COA1: variants seen among roughly 807,000 people sequenced by gnomAD.
The protein encoded by COA1 is cytochrome c oxidase assembly factor 1 homolog.
A neutral mutation model predicts 16.0 loss-of-function variants in COA1; 13 were observed. The ratio of observed to expected loss-of-function variants is 0.81; its 90% confidence interval spans 0.53 to 1.29. The LOEUF is 1.29. Ranked by LOEUF, COA1 falls within the 50% of genes most tolerant of loss-of-function variation. COA1 has a pLI of 0.00. For missense variants in COA1, 179 were observed against 177.0 expected, an observed-to-expected ratio of 1.01 and a Z score of -0.06; for synonymous variants, 65 against 65.7, an observed-to-expected ratio of 0.99 and a Z score of 0.05.
chr7:43,668,127 TA>T (rs894258585), intron 1 of COA1, among the ~76,000 whole-genome samples: 1 of 152,174 alleles, frequency 6.6e-6, no homozygotes, highest in Non-Finnish European at 1.5e-5. Context: ...GCAGAGCCAA[TA>T]AAAGCCCCTT....
At chr7:43,724,570 A>G (rs182617152) in intron 1 of COA1, among the ~76,000 whole-genome samples, 88 of 152,176 alleles carry the variant, frequency 5.8e-4, no homozygotes, top group African/African-American at 2.0e-3. Flanking sequence ...AAAAAAAAGA[A>G]TTGAAAGCAG....
chr7:43,707,619 A>G (rs2095044143), intron 1 of COA1, among the ~76,000 whole-genome samples: 1 of 152,180 alleles, frequency 6.6e-6, no homozygotes, highest in African/African-American at 2.4e-5. Context: ...GTGGAATCAT[A>G]TACAGTAGTA....
intron 1 of COA1, among the ~76,000 whole-genome samples, chr7:43,720,699 A>C (rs917536147): frequency 6.6e-6 from 1 of 152,220 alleles, no homozygotes; most frequent in African/African-American, 2.4e-5. Context: ...AGAGGTCTTA[A>C]AGTGACCCTG....
intron 6 of COA1, among the ~76,000 whole-genome samples, chr7:43,614,140 T>C (rs1049013506): frequency 2.0e-5 from 3 of 152,220 alleles, no homozygotes; most frequent in Non-Finnish European, 2.9e-5. Flanking sequence ...TAACCTCAAC[T>C]TTACAATGAT....
intron 6 of COA1, among the ~76,000 whole-genome samples, chr7:43,615,960 C>A (rs144511817): frequency 6.6e-6 from 1 of 152,172 alleles, no homozygotes; most frequent in Non-Finnish European, 1.5e-5. Context: ...CAACCACTCT[C>A]GCCCATCACC....
intron 1 of COA1, among the ~76,000 whole-genome samples, chr7:43,700,555 C>T (rs753664744): frequency 7.6e-5 from 11 of 145,394 alleles, no homozygotes; most frequent in Non-Finnish European, 1.7e-4. Context: ...TATACATACA[C>T]GTATATATAT....
At chr7:43,707,195 G>A (rs1287193778) in intron 1 of COA1, among the ~76,000 whole-genome samples, 1 of 152,108 alleles carries the variant, frequency 6.6e-6, no homozygotes, top group African/African-American at 2.4e-5. Context: ...AGCCTTGCTG[G>A]CTAAAACTGT....
At chr7:43,720,668 G>A (rs1490927581) in intron 1 of COA1, among the ~76,000 whole-genome samples, 1 of 152,132 alleles carries the variant, frequency 6.6e-6, no homozygotes, top group East Asian at 1.9e-4. Context: ...ATATTTAGGA[G>A]GTAGAATTTA....
chr7:43,681,344 A>T (rs17710420), intron 1 of COA1, among the ~76,000 whole-genome samples: 19,480 of 152,048 alleles, frequency 0.13, 1,655 homozygotes, highest in Non-Finnish European at 0.19. Flanking sequence ...TTTTGTTATA[A>T]CTTTGTTTTG....
chr7:43,700,621 A>T (rs940443622), intron 1 of COA1, among the ~76,000 whole-genome samples: 4 of 65,804 alleles, frequency 6.1e-5, no homozygotes, highest in Non-Finnish European at 9.7e-5. Flanking sequence ...TGTGTGTGTT[A>T]GAGTAAGGTA....
intron 1 of COA1, among the ~76,000 whole-genome samples, chr7:43,710,358 AAAAAAAAAAAAAAAAAAATAT>A (rs2095180794): frequency 9.3e-6 from 1 of 107,816 alleles, no homozygotes; most frequent in Admixed American, 9.3e-5. Context: ...CAAAAAAAAA[AAAAAAAAAAAAAAAAAAATAT>A]ATATATATAT....
chr7:43,665,917 A>G (rs2092851422), intron 1 of COA1, among the ~76,000 whole-genome samples: 1 of 152,212 alleles, frequency 6.6e-6, no homozygotes, highest in Non-Finnish European at 1.5e-5. Context: ...ACACAGAGCC[A>G]AATCGTATCA....
chr7:43,648,643 G>GC lies in COA1; in HGVS notation c.-30dup. On this transcript the variant is annotated 5_prime_UTR_variant, in exon 2 of 6. Transcript: ENST00000223336. ...ACAACTCTCTTGAAAATCATCAAAG[G>GC]CAAGTTGTCCTGCAATTAGAAAAGA... is the stretch of plus-strand genomic sequence containing the variant. 6.2e-7 allele frequency: 1 copy of GC among 1,611,304 alleles called. No individual in the cohort carries two copies. Among genetic ancestry groups the GC allele is most frequent in the Non-Finnish European group, 8.5e-7 (1 of 1,178,380 alleles).
At chr7:43,691,269 G>GAAAAGA (rs144312327) in intron 1 of COA1, among the ~76,000 whole-genome samples, 94 of 29,614 alleles carry the variant, frequency 3.2e-3, no homozygotes, top group African/African-American at 0.01. Context: ...AGAAAGAAAA[G>GAAAAGA]AAAGAAAGAA....
intron 4 of COA1, among the ~76,000 whole-genome samples, chr7:43,642,466 A>G (rs1341226584): frequency 1.3e-5 from 2 of 152,186 alleles, no homozygotes; most frequent in African/African-American, 4.8e-5. Context: ...AAATTTTAAA[A>G]AAGAACAAAT....
At chr7:43,702,582 T>C (rs1475473504) in intron 1 of COA1, among the ~76,000 whole-genome samples, 1 of 152,192 alleles carries the variant, frequency 6.6e-6, no homozygotes, top group Non-Finnish European at 1.5e-5. Flanking sequence ...ATTTTTGGGT[T>C]CAATCTTGGG....
intron 1 of COA1, among the ~76,000 whole-genome samples, chr7:43,697,330 G>C (rs576067234): frequency 2.8e-4 from 42 of 151,884 alleles, no homozygotes; most frequent in African/African-American, 1.0e-3. Context: ...CTCACTGTGT[G>C]GCCCAGGCTG....
rs1027716935 is a variant in COA1, at chr7:43,656,780, C to T, written c.-38-8128G>A. ...ACATAACATAGCAAATATCATTATA[C>T]CAAAATAAAGCCAAAAACTACCACC... On this transcript the variant is annotated intron_variant, in intron 1 of 5. Transcript: ENST00000223336. 5.3e-5 allele frequency among the ~76,000 whole-genome samples: 8 copies of T among 152,106 alleles called. No individual in the cohort carries two copies. In the East Asian group the frequency reaches 1.5e-3, roughly 29 times the overall value.
At chr7:43,622,727 G>A (rs2084043627) in intron 6 of COA1, 1 of 149,738 alleles carries the variant, frequency 6.7e-6, no homozygotes, top group Non-Finnish European at 1.5e-5. Context: ...GTGAGACACA[G>A]TCTCACCCTA....
Sources: allele counts gnomAD v4.1 joint callset (sites outside exome capture counted in the v4.1 genomes callset), GRCh38; gene constraint gnomAD v4.1.1; transcripts MANE v1.5; gene names NCBI Gene and HGNC (gene_info 2026-07-23, HGNC 2026-07-21).